UPF3B: variants seen among roughly 807,000 people sequenced by gnomAD.
UPF3B encodes regulator of nonsense transcripts 3B.
Under a neutral mutation model 40.3 loss-of-function variants are expected in UPF3B, and 7 were observed. The ratio of observed to expected loss-of-function variants is 0.17; its 90% CI spans 0.10 to 0.33. UPF3B has a LOEUF of 0.33. UPF3B is among the 10% of genes least tolerant of loss of function. The probability of loss-of-function intolerance (pLI) is 1.00; values close to 1 mark genes in which losing one functional copy is unlikely to be tolerated. For missense variants in UPF3B, 229 were observed against 358.9 expected, an observed-to-expected ratio of 0.64 and a Z score of 2.93; for synonymous variants, 117 against 117.3, an observed-to-expected ratio of 1.00 and a Z score of 0.01.
chrX:119,811,717 T>G (rs1459529713), intron 5 of UPF3B, among the ~76,000 whole-genome samples: 2 of 109,804 alleles, frequency 1.8e-5, no homozygotes, highest in African/African-American at 3.3e-5. Flanking sequence ...TTTGCGAGGC[T>G]AAGGTGGGCG....
intron 3 of UPF3B, among the ~76,000 whole-genome samples, chrX:119,850,057 AG>A (rs1315425871): frequency 6.2e-4 from 52 of 83,422 alleles, no homozygotes; most frequent in African/African-American, 3.0e-3. Context: ...TGGGAGGCTG[AG>A]GTGGGGGGGG....
intron 4 of UPF3B, among the ~76,000 whole-genome samples, chrX:119,844,845 C>T (rs965620165): frequency 5.4e-5 from 6 of 110,988 alleles, no homozygotes; most frequent in African/African-American, 1.6e-4. Flanking sequence ...TCAGATGATC[C>T]GCCCGCCTTG....
intron 4 of UPF3B, among the ~76,000 whole-genome samples, chrX:119,822,078 C>T (rs185957724): frequency 2.1e-4 from 23 of 111,761 alleles, no homozygotes; most frequent in Admixed American, 7.6e-4. Context: ...GGAGACAAAA[C>T]GAGATGTTTA....
At position 119,815,112 on chromosome X, in the gene UPF3B, C is replaced by T. The variant is rs182465716; in HGVS notation, c.602+88G>A. 6.7e-5 allele frequency: 28 copies of T among 419,747 alleles called. 1 individual carries two copies. The South Asian group carries it at 2.2e-3, about 33-fold the overall frequency. The allele number at this position is 419,747 out of a possible 1,213,427, so 34.6% of individuals were successfully genotyped here. ...AACTCCTGACCTCAGGTAATCCACC[C>T]GCCTCGGCCTCCCAAGGTGCTGGGA... On this transcript the variant is annotated intron_variant, in intron 5 of 6. Coordinates refer to the UPF3B transcript ENST00000636792.
intron 3 of UPF3B, among the ~76,000 whole-genome samples, chrX:119,826,954 C>T (rs2055984545): frequency 8.9e-6 from 1 of 112,030 alleles, no homozygotes; most frequent in African/African-American, 3.2e-5. Flanking sequence ...TCTGGAGGAC[C>T]AGAAAATAAT....
At chrX:119,841,888 T>C (rs148817429) in intron 5 of UPF3B, 110 bp from the exon 6 acceptor site, 2 of 570,471 alleles carry the variant, frequency 3.5e-6, no homozygotes, top group East Asian at 3.3e-5. Context: ...GTACACCCCT[T>C]ATGCAGAAAG....
chrX:119,815,152 C>A, intron 5 of UPF3B: 1 of 670,530 alleles, frequency 1.5e-6, no homozygotes, highest in South Asian at 7.2e-5. Flanking sequence ...AGGCGTGAAC[C>A]ATCACACCCA....
intron 10 of UPF3B, among the ~76,000 whole-genome samples, chrX:119,835,295 G>A (rs1362933878): frequency 2.7e-5 from 3 of 111,538 alleles, no homozygotes; most frequent in Non-Finnish European, 5.6e-5. Flanking sequence ...AAGAGCAAGT[G>A]GGATGATCAA....
chrX:119,820,748 C>T (rs1369602254), intron 4 of UPF3B, among the ~76,000 whole-genome samples: 1 of 111,283 alleles, frequency 9.0e-6, no homozygotes, highest in African/African-American at 3.3e-5. Context: ...GGATTACAGG[C>T]ATGAGCCACT....
rs2056070351 is a variant in UPF3B at position 119,834,478 on chromosome X, CA to C, written c.*399del. 4.9e-6 allele frequency: 4 copies of C among 817,002 alleles called. No individual in the cohort carries two copies. The African/African-American group carries it at 6.5e-5, about 13-fold the overall frequency. 67.3% of individuals were successfully genotyped at this position (817,002 alleles called of 1,213,427 possible). The stretch of plus-strand genomic sequence containing the variant: ...ATAGAATTAGATCGGAACAAGGCTT[CA>C]AAGCGACTCTGCTCCACCCAAATTC... On this transcript the variant is annotated 3_prime_UTR_variant, in exon 11 of 11. Transcript: ENST00000276201.
intron 3 of UPF3B, among the ~76,000 whole-genome samples, chrX:119,849,555 C>T (rs2056276321): frequency 9.5e-6 from 1 of 105,672 alleles, no homozygotes; most frequent in African/African-American, 3.5e-5. Context: ...AACCAAAAAA[C>T]AAAACTGTGA....
chrX:119,819,096 C>T (rs2055889793), intron 4 of UPF3B, among the ~76,000 whole-genome samples: 1 of 105,317 alleles, frequency 9.5e-6, no homozygotes, highest in African/African-American at 3.5e-5. Context: ...CTCTGTCACC[C>T]AGGCTGGACT....
intron 3 of UPF3B, among the ~76,000 whole-genome samples, chrX:119,825,501 C>A (rs962925031): frequency 2.7e-5 from 3 of 111,447 alleles, no homozygotes; most frequent in African/African-American, 9.8e-5. Context: ...GCATGGATTT[C>A]AAAATCTTTT....
At chrX:119,845,601 A>G (rs1390598763) in intron 3 of UPF3B, among the ~76,000 whole-genome samples, 1 of 112,499 alleles carries the variant, frequency 8.9e-6, no homozygotes, top group African/African-American at 3.2e-5. Context: ...TTAAAATGTT[A>G]GAAATCTCCA....
At position 119,815,400 on chromosome X, in the gene UPF3B, A is replaced by G. The variant is rs372679636; in HGVS notation, c.495-93T>C. 4.0e-5 allele frequency: 14 copies of G among 353,660 alleles called. No individual in the cohort carries two copies. In the East Asian group the frequency reaches 6.3e-4, roughly 16 times the overall value. 29.1% of individuals were successfully genotyped at this position (353,660 alleles called of 1,213,427 possible). A position where few individuals can be genotyped will look rare whatever the true frequency, so the allele number is the denominator to read the frequency against. The stretch of plus-strand genomic sequence containing the variant: ...CATAACTTATATATTAATATATACT[A>G]AAGTCCAGTCATTTAAGACCAAAAA... On this transcript the variant is annotated intron_variant, in intron 4 of 6. Transcript: ENST00000636792.
downstream of UPF3B, among the ~76,000 whole-genome samples, chrX:119,830,956 C>T (rs2056030391): frequency 9.0e-6 from 1 of 111,636 alleles, no homozygotes; most frequent in South Asian, 3.7e-4. Context: ...GGATGAACAA[C>T]AGCTTTTGAT....
intron 6 of UPF3B, 90 bp from the exon 7 acceptor site, chrX:119,841,348 A>G: frequency 6.0e-6 from 7 of 1,174,274 alleles, no homozygotes; most frequent in Non-Finnish European, 8.0e-6. Flanking sequence ...CCCCAACTGA[A>G]TAATCTTTCC....
chrX:119,808,095 G>A (rs1025131965), intron 5 of UPF3B, among the ~76,000 whole-genome samples: 4 of 112,013 alleles, frequency 3.6e-5, no homozygotes, highest in Non-Finnish European at 5.6e-5. Flanking sequence ...GGCCCAGCTC[G>A]TCTCCAACTG....
intron 3 of UPF3B, among the ~76,000 whole-genome samples, chrX:119,850,952 G>A (rs975117757): frequency 5.4e-5 from 6 of 111,801 alleles, no homozygotes; most frequent in African/African-American, 2.0e-4. Context: ...ACGTTGGCCA[G>A]GCTGGTCTCG....
Sources: allele counts gnomAD v4.1 joint callset (sites outside exome capture counted in the v4.1 genomes callset), GRCh38; gene constraint gnomAD v4.1.1; transcripts MANE v1.5; gene names NCBI Gene and HGNC (gene_info 2026-07-23, HGNC 2026-07-21).